Variants in AOPEP observed in about 807,000 individuals in gnomAD.
AOPEP encodes the protein aminopeptidase O (putative).
A neutral mutation model predicts 98.1 loss-of-function variants in AOPEP; 77 were observed. That is an observed-to-expected ratio of 0.78 (90% CI 0.65 to 0.95). The LOEUF (loss-of-function observed/expected upper bound fraction) is 0.95, where lower values mean the gene tolerates loss of function less well. AOPEP is among the 40% of genes least tolerant of loss of function. The probability of loss-of-function intolerance (pLI) is 0.00; values close to 1 mark genes in which losing one functional copy is unlikely to be tolerated. For missense variants in AOPEP, 1,024 were observed against 1,024.7 expected (o/e 1.00, Z 0.01); for synonymous variants, 346 against 365.3 (o/e 0.95, Z 0.60).
At chr9:95,082,829 T>A in intron 16 of AOPEP, 110 bp downstream of exon 16, 1 of 1,273,280 alleles carries the variant, frequency 7.9e-7, no homozygotes, top group Non-Finnish European at 1.1e-6. Flanking sequence ...GCAGCATCAA[T>A]AGTCGGCTCC....
intron 13 of AOPEP, among the ~76,000 whole-genome samples, chr9:95,042,040 C>T (rs1284519801): frequency 1.3e-5 from 2 of 152,110 alleles, no homozygotes; most frequent in Non-Finnish European, 2.9e-5. Context: ...TGGCCAGGCG[C>T]GGTGGCTCAT....
chr9:95,079,640 C>T (rs1315818096), intron 14 of AOPEP, among the ~76,000 whole-genome samples: 3 of 152,214 alleles, frequency 2.0e-5, no homozygotes, highest in Non-Finnish European at 2.9e-5. Context: ...GTGGGGAATA[C>T]CTTGCGCAGG....
intron 10 of AOPEP, among the ~76,000 whole-genome samples, chr9:94,978,771 G>A (rs1423602882): frequency 6.6e-6 from 1 of 152,124 alleles, no homozygotes; most frequent in Non-Finnish European, 1.5e-5. Flanking sequence ...AGCGGGGCAT[G>A]AAAGCAAAAT....
intron 5 of AOPEP, among the ~76,000 whole-genome samples, chr9:94,804,823 A>C (rs1484728218): frequency 6.6e-6 from 1 of 152,212 alleles, no homozygotes; most frequent in Non-Finnish European, 1.5e-5. Flanking sequence ...AATAAAATCA[A>C]GTAAGTGTCA....
the AOPEP span, among the ~76,000 whole-genome samples, chr9:95,145,948 G>T: frequency 2.0e-5 from 3 of 152,006 alleles, no homozygotes; most frequent in Non-Finnish European, 2.9e-5. Context: ...GCAATGTGTA[G>T]ATCTGAACTC....
At chr9:95,114,528 G>T in the AOPEP span, 1 of 1,051,886 alleles carries the variant, frequency 9.5e-7, no homozygotes, top group Non-Finnish European at 1.5e-6. Context: ...GATGGTCCCA[G>T]ACCAGTAATG....
intron 5 of AOPEP, among the ~76,000 whole-genome samples, chr9:94,803,131 T>C (rs1384411449): frequency 6.6e-6 from 1 of 152,224 alleles, no homozygotes; most frequent in East Asian, 1.9e-4. Context: ...ACCTCAAGGC[T>C]AGGAGGAGTC....
intron 5 of AOPEP, among the ~76,000 whole-genome samples, chr9:94,841,785 C>T (rs2042302874): frequency 6.6e-6 from 1 of 152,116 alleles, no homozygotes; most frequent in African/African-American, 2.4e-5. Context: ...GGCACAGTGA[C>T]TCACACCTGT....
At chr9:94,924,766 T>C (rs1211388345) in intron 6 of AOPEP, among the ~76,000 whole-genome samples, 3 of 152,132 alleles carry the variant, frequency 2.0e-5, no homozygotes, top group Non-Finnish European at 4.4e-5. Context: ...GAAGGAGGGC[T>C]CAATATAACC....
chr9:94,933,464 T>G (rs1416815841), intron 7 of AOPEP: 1 of 985,338 alleles, frequency 1.0e-6, no homozygotes, highest in Non-Finnish European at 1.2e-6. Context: ...TGTATCGCTT[T>G]AAGGAGGTGC....
chr9:95,092,687 C>T, the AOPEP span, among the ~76,000 whole-genome samples: 1 of 152,204 alleles, frequency 6.6e-6, no homozygotes, highest in Non-Finnish European at 1.5e-5. Flanking sequence ...GGGTGGGGTG[C>T]TGAAGCTGCC....
chr9:94,961,393 C>G (rs957884713), intron 9 of AOPEP, among the ~76,000 whole-genome samples: 1 of 152,162 alleles, frequency 6.6e-6, no homozygotes, highest in Non-Finnish European at 1.5e-5. Flanking sequence ...GTTTTTCCCC[C>G]TTGCAGGGTT....
chr9:95,105,114 T>C, the AOPEP span, among the ~76,000 whole-genome samples: 1 of 152,350 alleles, frequency 6.6e-6, no homozygotes, highest in African/African-American at 2.4e-5. Context: ...CAGTCGTCTT[T>C]AGCCCTGGGC....
intron 1 of AOPEP, among the ~76,000 whole-genome samples, chr9:94,750,781 G>A (rs1424473384): frequency 1.4e-5 from 2 of 141,670 alleles, no homozygotes; most frequent in African/African-American, 5.2e-5. Flanking sequence ...TTGTGAGACG[G>A]AGTCTCACTC....
chr9:95,118,369 C>T, the AOPEP span, among the ~76,000 whole-genome samples: 88 of 152,332 alleles, frequency 5.8e-4, no homozygotes, highest in East Asian at 0.012. Flanking sequence ...GCTCGCATTT[C>T]GAGGGCCAAA....
chr9:94,819,282 T>G (rs1314965789), intron 5 of AOPEP, among the ~76,000 whole-genome samples: 1 of 152,210 alleles, frequency 6.6e-6, no homozygotes, highest in African/African-American at 2.4e-5. Flanking sequence ...AAGGACTGCG[T>G]GATGGAAACT....
intron 5 of AOPEP, among the ~76,000 whole-genome samples, chr9:94,869,185 C>T (rs1220563553): frequency 2.0e-5 from 3 of 152,072 alleles, no homozygotes; most frequent in African/African-American, 7.2e-5. Context: ...GCCAAGACTG[C>T]GCCACTTCAC....
chr9:94,813,654 G>A (rs910944075), intron 5 of AOPEP, among the ~76,000 whole-genome samples: 4 of 152,242 alleles, frequency 2.6e-5, no homozygotes, highest in Admixed American at 2.0e-4. Flanking sequence ...CTCATGCAGG[G>A]TAATGAGTCC....
intron 5 of AOPEP, among the ~76,000 whole-genome samples, chr9:94,820,377 A>G (rs1416039536): frequency 6.6e-6 from 1 of 152,152 alleles, no homozygotes; most frequent in Admixed American, 6.6e-5. Flanking sequence ...TAGACGATAC[A>G]TATTATTACT....
Sources: allele counts gnomAD v4.1 joint callset (sites outside exome capture counted in the v4.1 genomes callset), GRCh38; gene constraint gnomAD v4.1.1; transcripts MANE v1.5; gene names NCBI Gene and HGNC (gene_info 2026-07-23, HGNC 2026-07-21).